The following NAA15 variants were observed in gnomAD, a reference collection of about 807,000 sequenced individuals.
The protein encoded by NAA15 is N-terminal acetyltransferase.
A neutral mutation model predicts 114.0 loss-of-function variants in NAA15; 34 were observed. The ratio of observed to expected loss-of-function variants is 0.30; its 90% confidence interval spans 0.23 to 0.40. NAA15 has a LOEUF of 0.40. NAA15 is among the 10% of genes least tolerant of loss of function. The pLI, the probability that NAA15 is intolerant of heterozygous loss-of-function variation, is 1.00. For missense variants in NAA15, 658 were observed against 1,004.5 expected, an observed-to-expected ratio of 0.66 and a Z score of 4.66; for synonymous variants, 340 against 338.0, an observed-to-expected ratio of 1.01 and a Z score of -0.06.
At chr4:139,348,034 G>A (rs1178169748) in intron 6 of NAA15, among the ~76,000 whole-genome samples, 3 of 133,978 alleles carry the variant, frequency 2.2e-5, no homozygotes, top group African/African-American at 5.8e-5. Flanking sequence ...GCGAGACTCC[G>A]TCTCAAAAAA....
intron 1 of NAA15, chr4:139,318,418 C>T (rs931314575): frequency 1.3e-5 from 2 of 151,828 alleles, no homozygotes; most frequent in African/African-American, 4.8e-5. Flanking sequence ...TGGAACAATA[C>T]AAAGAAGATT....
intron 1 of NAA15, among the ~76,000 whole-genome samples, chr4:139,318,690 C>T (rs762367021): frequency 4.0e-5 from 6 of 151,886 alleles, no homozygotes; most frequent in Non-Finnish European, 8.8e-5. Context: ...TCCGTCTCTA[C>T]GAAAAATACA....
intron 14 of NAA15, among the ~76,000 whole-genome samples, chr4:139,366,115 TTATC>T (rs1202373784): frequency 6.6e-6 from 1 of 152,272 alleles, no homozygotes; most frequent in African/African-American, 2.4e-5. Context: ...TGGCTTTATG[TTATC>T]TATTGCTGCA....
At chr4:139,323,826 T>C (rs574271612) in intron 1 of NAA15, among the ~76,000 whole-genome samples, 52 of 152,346 alleles carry the variant, frequency 3.4e-4, no homozygotes, top group South Asian at 8.3e-4. Context: ...GTGTCAGTTA[T>C]TCTTATACAT....
intron 1 of NAA15, among the ~76,000 whole-genome samples, chr4:139,317,206 G>A (rs17278611): frequency 0.039 from 5,909 of 151,902 alleles, 200 homozygotes; most frequent in Non-Finnish European, 0.059. Flanking sequence ...GCTCTTATAC[G>A]TAAATTGGAG....
chr4:139,346,554 A>T (rs35660291), intron 6 of NAA15, among the ~76,000 whole-genome samples: 38,854 of 148,130 alleles, frequency 0.26, 5,209 homozygotes, highest in African/African-American at 0.33. Context: ...CAAAAAAAAA[A>T]TTTTTTTTTT....
At chr4:139,331,863 C>T (rs555222934) in intron 1 of NAA15, among the ~76,000 whole-genome samples, 123 of 152,136 alleles carry the variant, frequency 8.1e-4, no homozygotes, top group Non-Finnish European at 1.5e-3. Context: ...AAATCCAAGT[C>T]TTATACAAGC....
At chr4:139,369,267 C>T (rs1200507335) in intron 14 of NAA15, among the ~76,000 whole-genome samples, 1 of 152,174 alleles carries the variant, frequency 6.6e-6, no homozygotes, top group Admixed American at 6.5e-5. Flanking sequence ...CGAGCATAGT[C>T]CTCTGAAGCC....
intron 14 of NAA15, among the ~76,000 whole-genome samples, chr4:139,368,562 A>G (rs558528160): frequency 1.3e-5 from 2 of 152,328 alleles, no homozygotes; most frequent in South Asian, 4.1e-4. Context: ...GAGTTTCCTC[A>G]TAAGACAGGA....
Position 139,342,899 on chromosome 4 carries a change from A to G in NAA15, c.476A>G (p.His159Arg), listed in dbSNP as rs1326505688. The G allele has an allele frequency of 7.4e-6, 12 of 1,613,482 alleles. No individual in the cohort carries two copies. The highest frequency in any genetic ancestry group is 6.7e-5 in the Admixed American group (4 of 60,020). Reference sequence around the variant, plus strand: ...TGGATTGGTTATGCTATTGCTTACCATTTATTAGAAGATTATGAAATGGCA... The same window carrying G: ...TGGATTGGTTATGCTATTGCTTACCGTTTATTAGAAGATTATGAAATGGCA... ...ASWIGYAIAY[H>R]LLEDYEMAAK... Residue 159 changes from histidine to arginine, a missense_variant, in exon 5 of 20, where the codon CAT becomes CGT. By Grantham distance (29) the His-to-Arg change is conservative (BLOSUM62 0). Around this residue, in one of 6 missense-constraint regions of NAA15, gnomAD observed 75 missense variants for 172.3 expected, o/e 0.44. Transcript: ENST00000296543.
Position 139,387,979 on chromosome 4 carries a change from C to G in NAA15, c.2496C>G (p.Phe832Leu). Residue 832 changes from phenylalanine (F) to leucine (L), a missense_variant, in exon 20 of 20, where the codon TTC (phenylalanine) becomes TTG (leucine). Phe to Leu is a conservative substitution (Grantham distance 22, BLOSUM62 0). Around this residue, in one of 6 missense-constraint regions of NAA15, gnomAD observed 275 missense variants for 371.1 expected, o/e 0.74. Transcript: ENST00000296543. ...EIYRANCHKL[F>L]PYALAFMPPG... ...ATAGAGCAAATTGTCATAAGCTTTTCCCTTATGCTTTGGCTTTCATGCCTC... is the reference window on the plus strand; with the variant it reads ...ATAGAGCAAATTGTCATAAGCTTTTGCCTTATGCTTTGGCTTTCATGCCTC... 6.2e-7 allele frequency: 1 copy of G among 1,613,898 alleles called. No individual in the cohort carries two copies.
intron 6 of NAA15, among the ~76,000 whole-genome samples, chr4:139,345,834 C>T (rs374536055): frequency 5.3e-5 from 8 of 151,968 alleles, no homozygotes; most frequent in South Asian, 2.1e-4. Flanking sequence ...GGCAGGAGAA[C>T]GGCGTGAACC....
At chr4:139,377,973 C>G (rs1395613257) in intron 16 of NAA15, among the ~76,000 whole-genome samples, 1 of 152,158 alleles carries the variant, frequency 6.6e-6, no homozygotes, top group African/African-American at 2.4e-5. Flanking sequence ...TAAAGGACCC[C>G]AGCATTTGGA....
intron 1 of NAA15, among the ~76,000 whole-genome samples, chr4:139,310,320 G>A (rs1746176005): frequency 6.7e-6 from 1 of 150,188 alleles, no homozygotes; most frequent in South Asian, 2.1e-4. Flanking sequence ...CGGGCGTAGT[G>A]GCGGGCGCCT....
intron 1 of NAA15, among the ~76,000 whole-genome samples, chr4:139,310,326 C>T (rs999764324): frequency 1.3e-5 from 2 of 149,360 alleles, no homozygotes; most frequent in East Asian, 3.9e-4. Context: ...TAGTGGCGGG[C>T]GCCTGTAGTC....
At chr4:139,341,593 CAAAAAAAA>C (rs751688160) in intron 4 of NAA15, among the ~76,000 whole-genome samples, 15 of 14,432 alleles carry the variant, frequency 1.0e-3, no homozygotes, top group Non-Finnish European at 1.6e-3. Flanking sequence ...AACTCTGTCT[CAAAAAAAA>C]AAAAAAAAAA....
At chr4:139,318,543 T>G (rs1746490237) in intron 1 of NAA15, 1 of 152,066 alleles carries the variant, frequency 6.6e-6, no homozygotes, top group Admixed American at 6.6e-5. Context: ...TTATATCAAC[T>G]TCATAGAGTG....
intron 16 of NAA15, 137 bp downstream of exon 16, chr4:139,376,610 T>C: frequency 1.5e-6 from 1 of 655,058 alleles, no homozygotes; most frequent in South Asian, 1.7e-5. Context: ...AAATGCCTGC[T>C]ATGAACAGAA....
chr4:139,328,001 G>GT (rs908347447), intron 1 of NAA15, among the ~76,000 whole-genome samples: 8 of 152,032 alleles, frequency 5.3e-5, no homozygotes, highest in Non-Finnish European at 1.0e-4. Flanking sequence ...GTTTTTAGAT[G>GT]TTTTTTATTA....
Sources: allele counts gnomAD v4.1 joint callset (sites outside exome capture counted in the v4.1 genomes callset), GRCh38; gene constraint gnomAD v4.1.1; regional missense constraint gnomAD v4.1.1; transcripts MANE v1.5; gene names NCBI Gene and HGNC (gene_info 2026-07-23, HGNC 2026-07-21).